Variants in PCDHA3 observed in about 807,000 individuals in gnomAD.
PCDHA3 encodes the protein protocadherin alpha-3.
PCDHA3 carries 41 observed loss-of-function variants against 62.2 expected under a neutral mutation model. The ratio of observed to expected loss-of-function variants is 0.66; its 90% CI spans 0.51 to 0.86. The LOEUF (loss-of-function observed/expected upper bound fraction) is 0.86, where lower values mean the gene tolerates loss of function less well. Ranked by LOEUF, PCDHA3 falls within the 40% of genes least tolerant of loss-of-function variation. The pLI is 0.00. For missense variants in PCDHA3, 1,304 were observed against 1,241.2 expected, an observed-to-expected ratio of 1.05 and a Z score of -0.76; for synonymous variants, 640 against 555.4, an observed-to-expected ratio of 1.15 and a Z score of -2.14.
chr5:141,005,535 C>T (rs1254351919), intron 3 of PCDHA3, among the ~76,000 whole-genome samples: 2 of 151,078 alleles, frequency 1.3e-5, no homozygotes, highest in Non-Finnish European at 2.9e-5. Flanking sequence ...AACCCCGTCT[C>T]TACTAAAAAT....
chr5:140,877,964 T>C lies in PCDHA3; in HGVS notation c.2394+74373T>C, dbSNP rs1582419472. On this transcript the variant is annotated intron_variant, in intron 1 of 3. Coordinates refer to ENST00000522353, the MANE Select transcript of PCDHA3 (RefSeq NM_018906.3). ...AAACTATCGAATGTCTCATCTTTCTTGGTCATTCTTACTCATTTTGAACTT... is the reference window on the plus strand; with the variant it reads ...AAACTATCGAATGTCTCATCTTTCTCGGTCATTCTTACTCATTTTGAACTT... 3 of 1,310,338 alleles carry C rather than the reference T, an allele frequency of 2.3e-6. No individual in the cohort carries two copies. The East Asian group carries it at 7.9e-5, about 34-fold the overall frequency. 81.2% of individuals were successfully genotyped at this position (1,310,338 alleles called of 1,614,324 possible). A position where few individuals can be genotyped will look rare whatever the true frequency, so the allele number is the denominator to read the frequency against.
At chr5:140,824,328 TA>T in intron 1 of PCDHA3, 1 of 658,016 alleles carries the variant, frequency 1.5e-6, no homozygotes, top group Non-Finnish European at 2.6e-6. Flanking sequence ...CTTTCTGTGA[TA>T]TTAAGTGTTT....
chr5:140,932,562 G>A lies in PCDHA3; in HGVS notation c.2395-46387G>A, dbSNP rs566002035. The stretch of plus-strand genomic sequence containing the variant: ...TTATTTAACATACATTCCACAAGTA[G>A]ACTTTCCCATAGGGTAATTAGATGT... On this transcript the variant is annotated intron_variant, in intron 1 of 3. Coordinates refer to ENST00000522353, the MANE Select transcript of PCDHA3 (RefSeq NM_018906.3). Among the ~76,000 whole-genome samples the A allele has an allele frequency of 1.9e-4, 29 of 151,988 alleles. No individual in the cohort carries two copies. The South Asian group carries it at 6.0e-3, about 32-fold the overall frequency.
chr5:140,864,279 T>C (rs1554158753), intron 1 of PCDHA3: 1 of 152,238 alleles, frequency 6.6e-6, no homozygotes, highest in African/African-American at 2.4e-5. Context: ...CCATTCCTTA[T>C]TGTTTTTATG....
intron 1 of PCDHA3, among the ~76,000 whole-genome samples, chr5:140,911,976 A>G (rs1270778875): frequency 6.6e-6 from 1 of 152,218 alleles, no homozygotes; most frequent in Non-Finnish European, 1.5e-5. Context: ...ATTAACTCAC[A>G]TGATCACAAG....
At chr5:140,957,070 C>T (rs1260856872) in intron 1 of PCDHA3, among the ~76,000 whole-genome samples, 2 of 151,958 alleles carry the variant, frequency 1.3e-5, no homozygotes, top group Non-Finnish European at 2.9e-5. Context: ...TGACTGAGGG[C>T]TTTTTATTAA....
At chr5:140,983,720 T>G (rs1563510266) in intron 3 of PCDHA3, among the ~76,000 whole-genome samples, 1 of 152,228 alleles carries the variant, frequency 6.6e-6, no homozygotes, top group Non-Finnish European at 1.5e-5. Context: ...AGCACTTATA[T>G]TCATAACATG....
chr5:140,994,394 T>C (rs1332946220), intron 3 of PCDHA3, among the ~76,000 whole-genome samples: 1 of 152,110 alleles, frequency 6.6e-6, no homozygotes, highest in African/African-American at 2.4e-5. Flanking sequence ...AGTCAGAGAT[T>C]ATTTGACATT....
At chr5:140,924,765 C>T (rs574213548) in intron 1 of PCDHA3, among the ~76,000 whole-genome samples, 2 of 151,640 alleles carry the variant, frequency 1.3e-5, no homozygotes, top group Non-Finnish European at 2.9e-5. Context: ...CATGGTGGTG[C>T]GCGCTTGTAG....
chr5:140,980,487 G>C (rs2096891705), intron 2 of PCDHA3, among the ~76,000 whole-genome samples: 1 of 152,124 alleles, frequency 6.6e-6, no homozygotes, highest in African/African-American at 2.4e-5. Flanking sequence ...AAAATTAGCT[G>C]GGCGTGATGG....
intron 1 of PCDHA3, among the ~76,000 whole-genome samples, chr5:140,895,943 TG>T (rs1176755658): frequency 6.6e-6 from 1 of 152,148 alleles, no homozygotes; most frequent in Non-Finnish European, 1.5e-5. Flanking sequence ...CCCGAGTAGC[TG>T]GGATTACAGG....
chr5:140,856,318 C>G (rs200204071), intron 1 of PCDHA3: 2 of 1,598,576 alleles, frequency 1.3e-6, no homozygotes, highest in East Asian at 4.5e-5. Context: ...CTCGGATTGA[C>G]CGCGAGGAGC....
intron 1 of PCDHA3, chr5:140,884,087 CT>C (rs782425411): frequency 6.2e-7 from 1 of 1,613,564 alleles, no homozygotes; most frequent in South Asian, 1.1e-5. Context: ...CAATGCGTGG[CT>C]TTCGTATGAA....
At chr5:140,871,418 G>A in intron 1 of PCDHA3, 4 of 1,613,874 alleles carry the variant, frequency 2.5e-6, no homozygotes, top group Admixed American at 1.7e-5. Context: ...ATGGCCTTCA[G>A]CCCCAGTCTT....
intron 3 of PCDHA3, among the ~76,000 whole-genome samples, chr5:140,985,402 C>T (rs1554247027): frequency 6.6e-6 from 1 of 152,118 alleles, no homozygotes; most frequent in African/African-American, 2.4e-5. Context: ...CAACTGTTCC[C>T]CTGGAAATGG....
rs530563833 is a variant in PCDHA3, at chr5:140,894,957, T to A, written c.2395-83992T>A. Among the ~76,000 whole-genome samples, 18 of 152,324 alleles carry A rather than the reference T, an allele frequency of 1.2e-4. No individual in the cohort carries two copies. In the East Asian group the frequency reaches 3.3e-3, roughly 28 times the overall value. Reference sequence around the variant, plus strand: ...AGCTATTGTCATGAAATGATAAAAATATAATTTTTTAATGTCTTACTTTGT... The same window carrying A: ...AGCTATTGTCATGAAATGATAAAAAAATAATTTTTTAATGTCTTACTTTGT... On this transcript the variant is annotated intron_variant, in intron 1 of 3. Transcript: ENST00000522353.
chr5:140,876,841 CA>C, intron 1 of PCDHA3: 1 of 1,614,130 alleles, frequency 6.2e-7, no homozygotes, highest in South Asian at 1.1e-5. Flanking sequence ...TGCGTTCGCG[CA>C]GCCCGAGTAC....
intron 1 of PCDHA3, among the ~76,000 whole-genome samples, chr5:140,846,701 G>A (rs1554141463): frequency 1.3e-5 from 2 of 149,318 alleles, no homozygotes; most frequent in South Asian, 2.1e-4. Flanking sequence ...AAGTAGAGAA[G>A]ATTGTAATAA....
At chr5:140,917,211 C>T (rs938458701) in intron 1 of PCDHA3, among the ~76,000 whole-genome samples, 3 of 151,636 alleles carry the variant, frequency 2.0e-5, no homozygotes, top group Non-Finnish European at 2.9e-5. Context: ...TTCAATGCCT[C>T]TTTTAGTGAT....
Sources: allele counts gnomAD v4.1 joint callset (sites outside exome capture counted in the v4.1 genomes callset), GRCh38; gene constraint gnomAD v4.1.1; transcripts MANE v1.5; gene names NCBI Gene and HGNC (gene_info 2026-07-23, HGNC 2026-07-21).